Variants in HORMAD2 observed in about 807,000 individuals in gnomAD.
HORMAD2 encodes the protein HORMA domain-containing protein 2.
A neutral mutation model predicts 38.8 loss-of-function variants in HORMAD2; 45 were observed. That is an observed-to-expected ratio of 1.16 (90% CI 0.91 to 1.49). The LOEUF (loss-of-function observed/expected upper bound fraction) is 1.49. Among genes scored for constraint, HORMAD2 ranks in the 40% most tolerant of loss-of-function variants. HORMAD2 has a pLI of 0.00. For missense variants in HORMAD2, 338 were observed against 367.0 expected, an observed-to-expected ratio of 0.92 and a Z score of 0.65; for synonymous variants, 126 against 122.8, an observed-to-expected ratio of 1.03 and a Z score of -0.17.
At chr22:30,098,555 A>C (rs1270808252) in intron 2 of HORMAD2, among the ~76,000 whole-genome samples, 2 of 152,124 alleles carry the variant, frequency 1.3e-5, no homozygotes, top group Admixed American at 6.5e-5. Context: ...GGGTCTGAGG[A>C]GTGTATGAGA....
intron 8 of HORMAD2, among the ~76,000 whole-genome samples, chr22:30,120,317 G>A (rs940055408): frequency 1.3e-5 from 2 of 152,160 alleles, no homozygotes; most frequent in African/African-American, 4.8e-5. Context: ...CATTTGAATT[G>A]GTTAAATCCT....
chr22:30,157,336 T>A (rs1056194232), intron 10 of HORMAD2, among the ~76,000 whole-genome samples: 2 of 152,170 alleles, frequency 1.3e-5, no homozygotes, highest in African/African-American at 4.8e-5. Context: ...TAATACTACT[T>A]TATATTTATG....
chr22:30,080,852 G>T (rs1008715503), intron 1 of HORMAD2, among the ~76,000 whole-genome samples: 1 of 152,112 alleles, frequency 6.6e-6, no homozygotes, highest in African/African-American at 2.4e-5. Context: ...ACATTGGAGG[G>T]GGCCGTGTGT....
intron 7 of HORMAD2, among the ~76,000 whole-genome samples, chr22:30,115,143 A>T (rs965853390): frequency 6.6e-6 from 1 of 151,882 alleles, no homozygotes; most frequent in Non-Finnish European, 1.5e-5. Flanking sequence ...TTATTTTTTT[A>T]AGAGACAGGC....
At position 30,119,437 on chromosome 22, in the gene HORMAD2, G is replaced by A. The variant is rs540341906; in HGVS notation, c.410+390G>A. On this transcript the variant is annotated intron_variant, in intron 8 of 10. Coordinates refer to ENST00000336726, the MANE Select transcript of HORMAD2 (RefSeq NM_152510.4). Reference sequence around the variant, plus strand: ...GATAATACCCTTGGACTATTTGCCCGTATGCACAAATATTCTCATTTGCTT... The same window carrying A: ...GATAATACCCTTGGACTATTTGCCCATATGCACAAATATTCTCATTTGCTT... Among the ~76,000 whole-genome samples, 9 of 152,176 alleles carry A rather than the reference G, an allele frequency of 5.9e-5. No individual in the cohort carries two copies. The South Asian group carries it at 6.2e-4, about 11-fold the overall frequency.
intron 1 of HORMAD2, among the ~76,000 whole-genome samples, chr22:30,084,010 G>A (rs1254046550): frequency 1.3e-5 from 2 of 152,162 alleles, no homozygotes; most frequent in Non-Finnish European, 2.9e-5. Context: ...TAAATTGTGA[G>A]CCAGACTTGT....
chr22:30,131,820 A>G (rs964992622), intron 10 of HORMAD2, among the ~76,000 whole-genome samples: 1 of 152,184 alleles, frequency 6.6e-6, no homozygotes, highest in African/African-American at 2.4e-5. Flanking sequence ...TGAATTCCAC[A>G]AAAGAATCCA....
At chr22:30,206,912 C>T in the HORMAD2 span, 4 of 369,554 alleles carry the variant, frequency 1.1e-5, no homozygotes, top group Non-Finnish European at 1.2e-5. Flanking sequence ...AAGTGACACC[C>T]GAGCATCATT....
intron 1 of HORMAD2, among the ~76,000 whole-genome samples, chr22:30,088,667 TA>T (rs35629939): frequency 1.2e-4 from 18 of 151,450 alleles, no homozygotes; most frequent in African/African-American, 3.9e-4. Context: ...TTTTATTAAT[TA>T]AAAAAGTTAA....
intron 1 of HORMAD2, among the ~76,000 whole-genome samples, chr22:30,087,589 C>T (rs1042150737): frequency 2.0e-5 from 3 of 152,002 alleles, no homozygotes; most frequent in African/African-American, 7.3e-5. Flanking sequence ...GCTCACAGTT[C>T]CACAGGCTGT....
intron 8 of HORMAD2, among the ~76,000 whole-genome samples, chr22:30,120,958 TAC>T (rs34755422): frequency 0.2 from 30,795 of 152,100 alleles, 3,695 homozygotes; most frequent in Middle Eastern, 0.38. Flanking sequence ...AGGAATTGTA[TAC>T]ACACTGTCTT....
intron 10 of HORMAD2, among the ~76,000 whole-genome samples, chr22:30,145,396 C>A (rs1270898448): frequency 6.6e-6 from 1 of 152,036 alleles, no homozygotes; most frequent in Non-Finnish European, 1.5e-5. Context: ...AATTTTACTG[C>A]ATGTAAATTG....
chr22:30,204,680 G>T, the HORMAD2 span, among the ~76,000 whole-genome samples: 1 of 152,204 alleles, frequency 6.6e-6, no homozygotes, highest in African/African-American at 2.4e-5. Flanking sequence ...AATGAGAAGG[G>T]AACTGTGGTT....
chr22:30,199,710 A>G, the HORMAD2 span, among the ~76,000 whole-genome samples: 1 of 145,666 alleles, frequency 6.9e-6, no homozygotes, highest in Non-Finnish European at 1.5e-5. Context: ...ATTTTCTCTC[A>G]TTCATGAGAC....
intron 2 of HORMAD2, among the ~76,000 whole-genome samples, chr22:30,096,998 A>G (rs551625209): frequency 6.6e-6 from 1 of 152,308 alleles, no homozygotes; most frequent in Admixed American, 6.5e-5. Context: ...CTAAAGTTTA[A>G]TATAGTCTAA....
In HORMAD2 at chr22:30,176,841, A is replaced by G. The variant is rs1001830484; in HGVS notation, c.*674A>G. The G allele has an allele frequency of 2.6e-5, 4 of 152,808 alleles. No homozygotes were observed. Among genetic ancestry groups the G allele is most frequent in the African/African-American group, 9.6e-5 (4 of 41,462 alleles). The allele number at this position is 152,808 out of a possible 1,614,324, so 9.5% of individuals were successfully genotyped here. A position where few individuals can be genotyped will look rare whatever the true frequency, so the allele number is the denominator to read the frequency against. On this transcript the variant is annotated 3_prime_UTR_variant, in exon 11 of 11. Coordinates refer to ENST00000336726, the MANE Select transcript of HORMAD2 (RefSeq NM_152510.4). Reference sequence around the variant, plus strand: ...GAAGCACTTCAGTTTATCAGTCTGTAACCTGCAAATGATGCTATTAGTTCC... The same window carrying G: ...GAAGCACTTCAGTTTATCAGTCTGTGACCTGCAAATGATGCTATTAGTTCC...
At position 30,161,756 on chromosome 22, in the gene HORMAD2, G is replaced by A. The variant is rs536229386; in HGVS notation, c.820-14307G>A. Among the ~76,000 whole-genome samples, 6 of 152,010 alleles carry A rather than the reference G, an allele frequency of 3.9e-5. No individual in the cohort carries two copies. In the South Asian group the frequency reaches 1.0e-3, roughly 26 times the overall value. On this transcript the variant is annotated intron_variant, in intron 10 of 10. Transcript: ENST00000336726. ...TTTTTTACCTTTGCAAATAAAGCAA[G>A]ATTGCAAATAAAAAGATTTTTACAC...
chr22:30,135,435 C>G (rs1165146892), intron 10 of HORMAD2, among the ~76,000 whole-genome samples: 1 of 151,464 alleles, frequency 6.6e-6, no homozygotes, highest in Admixed American at 6.6e-5. Flanking sequence ...CTTGCTGAGT[C>G]GAAGAAAGAG....
intron 1 of HORMAD2, among the ~76,000 whole-genome samples, chr22:30,083,466 T>C (rs2068519280): frequency 6.6e-6 from 1 of 152,178 alleles, no homozygotes; most frequent in African/African-American, 2.4e-5. Flanking sequence ...TCAGACCTAT[T>C]CTCTGAGAAT....
Sources: gnomAD v4.1 joint callset for allele counts (sites outside exome capture counted in the v4.1 genomes callset) on GRCh38, gnomAD v4.1.1 for gene constraint, MANE v1.5 for transcripts, NCBI Gene and HGNC (gene_info 2026-07-23, HGNC 2026-07-21) for gene names.